The following POU6F2 variants were observed in gnomAD, a reference collection of about 807,000 sequenced individuals.
The protein encoded by POU6F2 is POU class 6 homeobox 2.
Under a neutral mutation model 71.3 loss-of-function variants are expected in POU6F2, and 31 were observed. That is an observed-to-expected ratio of 0.43 (90% CI 0.33 to 0.59). POU6F2 has a LOEUF of 0.59. Among genes scored for constraint, POU6F2 ranks in the 20% least tolerant of loss-of-function variants. The probability of loss-of-function intolerance (pLI) is 0.04; values close to 1 mark genes in which losing one functional copy is unlikely to be tolerated. For missense variants in POU6F2, 783 were observed against 856.8 expected (o/e 0.91, Z 1.07); for synonymous variants, 347 against 355.7 (o/e 0.98, Z 0.27).
chr7:39,020,042 T>C (rs1414500809), intron 1 of POU6F2, among the ~76,000 whole-genome samples: 1 of 152,150 alleles, frequency 6.6e-6, no homozygotes, highest in East Asian at 1.9e-4. Flanking sequence ...AGCTTGCATA[T>C]GTCAGGCTTC....
chr7:39,170,184 A>T (rs1371078730), intron 2 of POU6F2, among the ~76,000 whole-genome samples: 3 of 151,944 alleles, frequency 2.0e-5, no homozygotes, highest in African/African-American at 7.3e-5. Context: ...TAATAATAAT[A>T]AAAAAAATTG....
At chr7:39,333,868 G>A (rs1583532201) in intron 4 of POU6F2, among the ~76,000 whole-genome samples, 2 of 152,146 alleles carry the variant, frequency 1.3e-5, no homozygotes, top group East Asian at 3.8e-4. Flanking sequence ...GCTGCTAGGA[G>A]CCCCAAGGGT....
chr7:39,383,953 G>C (rs1786882666), intron 5 of POU6F2, among the ~76,000 whole-genome samples: 1 of 152,194 alleles, frequency 6.6e-6, no homozygotes, highest in Admixed American at 6.5e-5. Context: ...AGGGCAGAAT[G>C]ATTTAACTGT....
intron 6 of POU6F2, among the ~76,000 whole-genome samples, chr7:39,432,791 C>G (rs1196409002): frequency 1.3e-5 from 2 of 152,116 alleles, no homozygotes; most frequent in East Asian, 3.9e-4. Flanking sequence ...GATGTCAGAC[C>G]TGCCCTGGCA....
At chr7:39,057,177 T>A (rs1790546734) in intron 1 of POU6F2, among the ~76,000 whole-genome samples, 1 of 152,200 alleles carries the variant, frequency 6.6e-6, no homozygotes, top group South Asian at 2.1e-4. Flanking sequence ...AGATGTCTTC[T>A]TGTTTTGTTG....
intron 5 of POU6F2, among the ~76,000 whole-genome samples, chr7:39,350,404 G>A (rs1170478876): frequency 6.6e-6 from 1 of 151,938 alleles, no homozygotes; most frequent in Admixed American, 6.6e-5. Flanking sequence ...TGGTTGTCTT[G>A]GAAACTTGGT....
At position 39,451,558 on chromosome 7, in the gene POU6F2, T is replaced by A. The variant is rs539612199; in HGVS notation, c.1346T>A (p.Val449Glu). Residue 449 changes from valine (V) to glutamate (E), a missense_variant, in exon 8 of 10, where the codon GTG (valine) becomes GAG (glutamate). Coordinates refer to ENST00000518318, the MANE Select transcript of POU6F2 (RefSeq NM_001370959.1). ...CTCCACCAACCCTCCCAGACGTCAG[T>A]GGGTCAAGCAGCCTCCCAAGGCAAC... ...QQLHQPSQTS[V>E]GQAASQGNLL... 2.0e-5 allele frequency: 32 copies of A among 1,613,690 alleles called. No homozygotes were observed. In the East Asian group the frequency reaches 6.7e-4, roughly 34 times the overall value.
At chr7:39,152,545 CA>C (rs1339675101) in intron 2 of POU6F2, among the ~76,000 whole-genome samples, 1 of 152,052 alleles carries the variant, frequency 6.6e-6, no homozygotes, top group Non-Finnish European at 1.5e-5. Context: ...GGTGCCAGCC[CA>C]AGAAGTCTGG....
chr7:38,987,751 G>T (rs550216794), intron 1 of POU6F2, among the ~76,000 whole-genome samples: 1 of 152,012 alleles, frequency 6.6e-6, no homozygotes, highest in Non-Finnish European at 1.5e-5. Flanking sequence ...GTCTCTGCTC[G>T]TTCTCTTTAA....
intron 2 of POU6F2, among the ~76,000 whole-genome samples, chr7:39,195,412 T>G (rs942458926): frequency 2.0e-5 from 3 of 152,236 alleles, no homozygotes; most frequent in African/African-American, 7.2e-5. Flanking sequence ...ATATTCTGCA[T>G]GACAGATTAG....
intron 2 of POU6F2, among the ~76,000 whole-genome samples, chr7:39,185,901 A>G (rs13308319): frequency 1.4e-5 from 2 of 146,346 alleles, no homozygotes; most frequent in African/African-American, 5.0e-5. Context: ...ATGTATATGT[A>G]TATATATGTA....
chr7:39,462,361 T>C lies in POU6F2; in HGVS notation c.1658+1646T>C, dbSNP rs1788971003. On this transcript the variant is annotated intron_variant, in intron 9 of 9. Transcript: ENST00000518318. ...AAAAGAAAGAAAGACCGAGATCTTATATTGGAACAATTTAAGTGAATTCAA... is the reference window on the plus strand; with the variant it reads ...AAAAGAAAGAAAGACCGAGATCTTACATTGGAACAATTTAAGTGAATTCAA... Among the ~76,000 whole-genome samples, 6 of 152,220 alleles carry C rather than the reference T, an allele frequency of 3.9e-5. No homozygotes were observed. The South Asian group carries it at 1.0e-3, about 26-fold the overall frequency.
intron 5 of POU6F2, among the ~76,000 whole-genome samples, chr7:39,352,251 C>A (rs138647107): frequency 1.4e-4 from 21 of 152,274 alleles, no homozygotes; most frequent in African/African-American, 5.1e-4. Flanking sequence ...AACAGAAACC[C>A]TGTGAGAAGT....
intron 1 of POU6F2, among the ~76,000 whole-genome samples, chr7:39,016,625 T>A (rs1373082342): frequency 6.6e-6 from 1 of 152,018 alleles, no homozygotes; most frequent in Non-Finnish European, 1.5e-5. Flanking sequence ...TACATAAATA[T>A]GAAACAGTAG....
At chr7:39,112,930 A>G (rs771846258) in intron 2 of POU6F2, among the ~76,000 whole-genome samples, 1 of 152,174 alleles carries the variant, frequency 6.6e-6, no homozygotes, top group Non-Finnish European at 1.5e-5. Context: ...CTTGATTTTT[A>G]TAAGACAGCT....
intron 2 of POU6F2, among the ~76,000 whole-genome samples, chr7:39,182,553 C>T (rs1258075273): frequency 2.6e-5 from 4 of 152,062 alleles, no homozygotes; most frequent in African/African-American, 4.8e-5. Flanking sequence ...CTTCTTTTCT[C>T]GATCCCTTTA....
At chr7:39,434,677 C>CA (rs59822677) in intron 7 of POU6F2, among the ~76,000 whole-genome samples, 24 of 148,340 alleles carry the variant, frequency 1.6e-4, no homozygotes, top group Admixed American at 3.4e-4. Context: ...ACAAAAAACA[C>CA]AAAAAAAAAT....
At chr7:39,211,496 T>C (rs917706430) in intron 4 of POU6F2, among the ~76,000 whole-genome samples, 1 of 152,208 alleles carries the variant, frequency 6.6e-6, no homozygotes, top group African/African-American at 2.4e-5. Flanking sequence ...AATGAAAGTT[T>C]TGCTTTGCTG....
At chr7:39,240,608 T>A (rs1437232152) in intron 4 of POU6F2, among the ~76,000 whole-genome samples, 1 of 152,142 alleles carries the variant, frequency 6.6e-6, no homozygotes, top group Non-Finnish European at 1.5e-5. Context: ...TGCTTATTGA[T>A]TTAAAATACA....
Sources: allele counts gnomAD v4.1 joint callset (sites outside exome capture counted in the v4.1 genomes callset), GRCh38; gene constraint gnomAD v4.1.1; transcripts MANE v1.5; gene names NCBI Gene and HGNC (gene_info 2026-07-23, HGNC 2026-07-21).